SRPK2: variants seen among roughly 807,000 people sequenced by gnomAD.
The protein encoded by SRPK2 is SRSF protein kinase 2.
Under a neutral mutation model 90.8 loss-of-function variants are expected in SRPK2, and 21 were observed. That is an observed-to-expected ratio of 0.23 (90% confidence interval 0.16 to 0.33). The LOEUF (loss-of-function observed/expected upper bound fraction) is 0.33. Among genes scored for constraint, SRPK2 ranks in the 10% least tolerant of loss-of-function variants. The pLI is 1.00. For missense variants in SRPK2, 620 were observed against 869.0 expected, an observed-to-expected ratio of 0.71 and a Z score of 3.60; for synonymous variants, 288 against 311.1, an observed-to-expected ratio of 0.93 and a Z score of 0.78.
At chr7:105,142,934 C>T (rs1266301843) in intron 10 of SRPK2, 150 bp downstream of exon 10, 73 of 1,023,708 alleles carry the variant, frequency 7.1e-5, no homozygotes, top group Non-Finnish European at 9.4e-5. Context: ...AAGTACGAGG[C>T]TATTTCCCAT....
intron 2 of SRPK2, among the ~76,000 whole-genome samples, chr7:105,346,006 T>C (rs920288754): frequency 1.3e-5 from 2 of 152,156 alleles, no homozygotes; most frequent in South Asian, 2.1e-4. Context: ...CTCTGCTGAC[T>C]AGACATTAAG....
intron 2 of SRPK2, among the ~76,000 whole-genome samples, chr7:105,386,249 G>C (rs1391567861): frequency 6.7e-6 from 1 of 148,248 alleles, no homozygotes; most frequent in Non-Finnish European, 1.5e-5. Context: ...GGGAGGCGGA[G>C]CTTGCAGTGA....
chr7:105,397,811 T>A (rs77012470), intron 1 of SRPK2, among the ~76,000 whole-genome samples: 8 of 150,914 alleles, frequency 5.3e-5, no homozygotes, highest in African/African-American at 1.9e-4. Flanking sequence ...GCCCTGCTAA[T>A]TTTTTTTTGT....
At chr7:105,293,685 G>A (rs868795557) in intron 2 of SRPK2, among the ~76,000 whole-genome samples, 1 of 152,062 alleles carries the variant, frequency 6.6e-6, no homozygotes, top group Non-Finnish European at 1.5e-5. Flanking sequence ...CTCCCAAAGG[G>A]TTGGGATTAC....
chr7:105,197,346 A>G (rs925086641), intron 3 of SRPK2, among the ~76,000 whole-genome samples: 7 of 152,312 alleles, frequency 4.6e-5, no homozygotes, highest in South Asian at 2.1e-4. Context: ...GGTAAGAAAT[A>G]TATGTCACTC....
intron 2 of SRPK2, among the ~76,000 whole-genome samples, chr7:105,372,095 A>G (rs561735825): frequency 1.4e-5 from 2 of 144,220 alleles, no homozygotes; most frequent in Admixed American, 7.3e-5. Context: ...AGATAGCGCC[A>G]CTGCACTCCA....
At chr7:105,374,815 G>T (rs1393754464) in intron 2 of SRPK2, among the ~76,000 whole-genome samples, 1 of 152,058 alleles carries the variant, frequency 6.6e-6, no homozygotes, top group Non-Finnish European at 1.5e-5. Flanking sequence ...CACCATATTG[G>T]CTAGGCTGGT....
chr7:105,283,264 C>T (rs560487515), intron 2 of SRPK2, among the ~76,000 whole-genome samples: 18 of 152,150 alleles, frequency 1.2e-4, no homozygotes, highest in Non-Finnish European at 1.3e-4. Flanking sequence ...TACCATATGA[C>T]CCAACAATTC....
At chr7:105,211,654 C>G (rs1161148571) in intron 2 of SRPK2, among the ~76,000 whole-genome samples, 1 of 152,126 alleles carries the variant, frequency 6.6e-6, no homozygotes, top group Non-Finnish European at 1.5e-5. Context: ...TGGAAATCTA[C>G]CCCCATGATC....
At chr7:105,210,643 A>G (rs568415639) in intron 2 of SRPK2, among the ~76,000 whole-genome samples, 4 of 152,186 alleles carry the variant, frequency 2.6e-5, no homozygotes, top group Non-Finnish European at 5.9e-5. Context: ...TCTCTTGAGT[A>G]TGGGTAGATC....
At chr7:105,282,993 T>C (rs1037294032) in intron 2 of SRPK2, among the ~76,000 whole-genome samples, 1 of 151,188 alleles carries the variant, frequency 6.6e-6, no homozygotes, top group Non-Finnish European at 1.5e-5. Context: ...GATTTAAATA[T>C]ACATGTGCCA....
chr7:105,278,325 A>T (rs1806794463), intron 2 of SRPK2, among the ~76,000 whole-genome samples: 2 of 151,218 alleles, frequency 1.3e-5, no homozygotes, highest in Admixed American at 1.3e-4. Context: ...AAAAAAAAAA[A>T]AAAAAAGATA....
intron 2 of SRPK2, among the ~76,000 whole-genome samples, chr7:105,205,348 A>G (rs562916995): frequency 1.3e-5 from 2 of 152,334 alleles, no homozygotes; most frequent in African/African-American, 4.8e-5. Flanking sequence ...AATATTTATA[A>G]GCTGAAAATG....
At chr7:105,182,724 T>C (rs909758218) in intron 3 of SRPK2, among the ~76,000 whole-genome samples, 1 of 152,236 alleles carries the variant, frequency 6.6e-6, no homozygotes, top group African/African-American at 2.4e-5. Context: ...TGCCTTGGCC[T>C]CCCAAAGTGC....
intron 2 of SRPK2, chr7:105,302,164 GGT>G: frequency 1.0e-6 from 1 of 974,458 alleles, no homozygotes; most frequent in Non-Finnish European, 1.6e-6. Flanking sequence ...ACCATTTTCT[GGT>G]ATTGAGGTGG....
intron 2 of SRPK2, among the ~76,000 whole-genome samples, chr7:105,273,682 T>C (rs1806130338): frequency 6.6e-6 from 1 of 152,156 alleles, no homozygotes; most frequent in South Asian, 2.1e-4. Context: ...GTCTCTGTAT[T>C]TGCATTACCA....
intron 2 of SRPK2, among the ~76,000 whole-genome samples, chr7:105,226,933 CT>C (rs1313107685): frequency 1.3e-5 from 2 of 152,132 alleles, no homozygotes; most frequent in Non-Finnish European, 2.9e-5. Context: ...CAGAGCAAGA[CT>C]CTGTCTCCAA....
intron 2 of SRPK2, among the ~76,000 whole-genome samples, chr7:105,308,715 A>G (rs970893994): frequency 3.3e-5 from 5 of 152,214 alleles, no homozygotes; most frequent in African/African-American, 1.2e-4. Flanking sequence ...GAGAGCTATG[A>G]GACTATTTTA....
intron 2 of SRPK2, among the ~76,000 whole-genome samples, chr7:105,261,963 G>A (rs1240913572): frequency 6.6e-6 from 1 of 152,206 alleles, no homozygotes; most frequent in Non-Finnish European, 1.5e-5. Context: ...CAAGGCTGGA[G>A]AGGGAGATGA....
Sources: allele counts gnomAD v4.1 joint callset (sites outside exome capture counted in the v4.1 genomes callset), GRCh38; gene constraint gnomAD v4.1.1; transcripts MANE v1.5; gene names NCBI Gene and HGNC (gene_info 2026-07-23, HGNC 2026-07-21).